TRDN: variants seen among roughly 807,000 people sequenced by gnomAD.
TRDN encodes triadin in skeletal muscle.
In TRDN, 161 loss-of-function variants were observed where a neutral mutation model predicts 149.7. The observed-to-expected ratio is 1.08, with a 90% CI of 0.95 to 1.23. The LOEUF is 1.23. TRDN is among the 50% of genes most tolerant of loss of function. The probability of loss-of-function intolerance (pLI) is 0.00; values close to 1 mark genes in which losing one functional copy is unlikely to be tolerated. For synonymous variants in TRDN, 294 were observed against 250.5 expected, an observed-to-expected ratio of 1.17 and a Z score of -1.64; for missense variants, 896 against 823.5, an observed-to-expected ratio of 1.09 and a Z score of -1.08.
At chr6:123,457,494 T>A (rs35043757) in intron 10 of TRDN, 50 of 380,188 alleles carry the variant, frequency 1.3e-4, no homozygotes, top group African/African-American at 1.0e-3. Flanking sequence ...TACAAGTTTC[T>A]TGTCTATTAA....
At position 123,219,119 on chromosome 6, in the gene TRDN, C is replaced by T. The variant is rs139117757; in HGVS notation, c.2051-379G>A. ...ATAGTCACAGGTTTCAAAATATGAGCTTATCAATATGCAAAGCAACAGACT... is the reference window on the plus strand; with the variant it reads ...ATAGTCACAGGTTTCAAAATATGAGTTTATCAATATGCAAAGCAACAGACT... On this transcript the variant is annotated intron_variant, in intron 40 of 40. Coordinates refer to ENST00000334268, the MANE Select transcript of TRDN (RefSeq NM_006073.4). Among the ~76,000 whole-genome samples the T allele has an allele frequency of 7.4e-4, 113 of 151,952 alleles. 2 individuals are homozygous for T. In the East Asian group the frequency reaches 0.016, roughly 21 times the overall value.
rs10547981 is a variant in TRDN at position 123,551,203 on chromosome 6, G to GATATATATATATATATATATAT, written c.233-2592_233-2591insATATATATATATATATATATAT. The stretch of plus-strand genomic sequence containing the variant: ...TTAAATGCACTGTATGTATTTTGCA[G>GATATATATATATATATATATAT]ATATATATATATATATATATTGCCT... On this transcript the variant is annotated intron_variant, in intron 2 of 40. Transcript: ENST00000334268. Among the ~76,000 whole-genome samples, 130 of 118,072 alleles carry GATATATATATATATATATATAT rather than the reference G, an allele frequency of 1.1e-3. 11 individuals are homozygous for GATATATATATATATATATATAT. Among genetic ancestry groups the GATATATATATATATATATATAT allele is most frequent in the Middle Eastern group, 8.8e-3 (2 of 228 alleles). 77.5% of individuals were successfully genotyped at this position (118,072 alleles called of 152,430 possible).
chr6:123,493,067 G>A (rs1778291808), intron 9 of TRDN, among the ~76,000 whole-genome samples: 1 of 152,110 alleles, frequency 6.6e-6, no homozygotes, highest in South Asian at 2.1e-4. Context: ...AATGGAGAAA[G>A]TATCTCTGGA....
chr6:123,601,104 A>G (rs1784254339), intron 1 of TRDN, among the ~76,000 whole-genome samples: 1 of 152,138 alleles, frequency 6.6e-6, no homozygotes, highest in African/African-American at 2.4e-5. Flanking sequence ...AAGGCTGGCC[A>G]AGAAAGGCTA....
chr6:123,352,635 GCTTCTGCTC>G, intron 20 of TRDN, 49 bp from the exon 21 acceptor site: 2 of 1,562,820 alleles, frequency 1.3e-6, no homozygotes, highest in Admixed American at 4.2e-5. Flanking sequence ...CAGAAATACT[GCTTCTGCTC>G]AAAAAAAGCA....
chr6:123,466,825 G>A (rs574187787), intron 9 of TRDN, among the ~76,000 whole-genome samples: 80 of 151,996 alleles, frequency 5.3e-4, no homozygotes, highest in African/African-American at 1.8e-3. Flanking sequence ...AAGATAGATC[G>A]ATATCTTCAT....
chr6:123,444,764 T>C (rs1170744161), intron 10 of TRDN, among the ~76,000 whole-genome samples: 2 of 152,336 alleles, frequency 1.3e-5, no homozygotes, highest in East Asian at 3.9e-4. Flanking sequence ...CTTTTCTGCA[T>C]CTATTGAGAT....
chr6:123,464,827 G>T, intron 10 of TRDN, 79 bp downstream of exon 10: 1 of 1,521,804 alleles, frequency 6.6e-7, no homozygotes, highest in South Asian at 1.3e-5. Flanking sequence ...GTTTCTTTGT[G>T]ACTATTTTTG....
intron 14 of TRDN, among the ~76,000 whole-genome samples, chr6:123,383,797 T>A (rs1781807832): frequency 1.3e-5 from 2 of 152,104 alleles, no homozygotes; most frequent in Admixed American, 6.6e-5. Context: ...TTAGGCAAGA[T>A]TTTATTACCT....
chr6:123,548,571 C>T lies in TRDN; in HGVS notation c.274G>A (p.Val92Ile), dbSNP rs34808221. ...GTGGTTTCCTCCATAGCATCACGTA[C>T]CAGTTTTAAAGGATCTGAGCCAATC... Reference protein sequence around the residue: ...AKIGSDPLKLVRDAMEETTDW... With the variant: ...AKIGSDPLKLIRDAMEETTDW... Residue 92 changes from valine (V) to isoleucine (I), a missense_variant, in exon 3 of 41, where the codon GTA becomes ATA. By Grantham distance (29) the Val-to-Ile change is conservative. Transcript: ENST00000334268. 1,891 of 1,555,512 alleles carry T rather than the reference C, an allele frequency of 1.2e-3. 28 individuals are homozygous for T. The African/African-American group carries it at 0.023, about 19-fold the overall frequency.
intron 10 of TRDN, among the ~76,000 whole-genome samples, chr6:123,455,878 T>C (rs1222969735): frequency 6.6e-6 from 1 of 152,206 alleles, no homozygotes; most frequent in East Asian, 1.9e-4. Context: ...TTTTCTACAT[T>C]TTTCTGTAAT....
intron 10 of TRDN, among the ~76,000 whole-genome samples, chr6:123,461,147 G>T (rs918672953): frequency 6.6e-6 from 1 of 152,044 alleles, no homozygotes; most frequent in East Asian, 1.9e-4. Flanking sequence ...AGCATAGAGG[G>T]ACTTTAGAGA....
At chr6:123,489,992 G>A (rs987671004) in intron 9 of TRDN, among the ~76,000 whole-genome samples, 14 of 151,874 alleles carry the variant, frequency 9.2e-5, no homozygotes, top group Middle Eastern at 3.2e-3. Context: ...AAGTGACAGA[G>A]GAAGATATTT....
intron 10 of TRDN, among the ~76,000 whole-genome samples, chr6:123,447,221 T>C (rs556778853): frequency 6.6e-5 from 10 of 152,308 alleles, no homozygotes; most frequent in Admixed American, 6.5e-4. Context: ...TACAGCACTT[T>C]CCAGTGACTA....
At chr6:123,258,440 T>C (rs1360543181) in intron 35 of TRDN, among the ~76,000 whole-genome samples, 1 of 152,168 alleles carries the variant, frequency 6.6e-6, no homozygotes, top group African/African-American at 2.4e-5. Flanking sequence ...ATTACATTTA[T>C]TGATATGTGT....
chr6:123,585,123 T>C (rs1277295112), intron 1 of TRDN, among the ~76,000 whole-genome samples: 1 of 144,914 alleles, frequency 6.9e-6, no homozygotes, highest in Non-Finnish European at 1.5e-5. Context: ...AGTAGAGGTA[T>C]CTTATACTTG....
At chr6:123,271,028 T>G in intron 30 of TRDN, 111 bp downstream of exon 30, 1 of 488,790 alleles carries the variant, frequency 2.0e-6, no homozygotes, top group Non-Finnish European at 3.2e-6. Context: ...CCTACACACT[T>G]CAGTGAAGGG....
At chr6:123,513,842 A>G (rs1224180616) in intron 6 of TRDN, among the ~76,000 whole-genome samples, 2 of 152,086 alleles carry the variant, frequency 1.3e-5, no homozygotes, top group Non-Finnish European at 2.9e-5. Flanking sequence ...ATTTCAACTT[A>G]TCTGATTCCT....
At chr6:123,268,815 C>A (rs1777105770) in intron 31 of TRDN, among the ~76,000 whole-genome samples, 1 of 151,822 alleles carries the variant, frequency 6.6e-6, no homozygotes, top group South Asian at 2.1e-4. Context: ...AAAGAAAATG[C>A]AGCCAATATT....
Sources: gnomAD v4.1 joint callset for allele counts (sites outside exome capture counted in the v4.1 genomes callset) on GRCh38, gnomAD v4.1.1 for gene constraint, MANE v1.5 for transcripts, NCBI Gene and HGNC (gene_info 2026-07-23, HGNC 2026-07-21) for gene names.